Variants in MYO9B observed in about 807,000 individuals in gnomAD.
The protein encoded by MYO9B is unconventional myosin-IXb.
Under a neutral mutation model 229.5 loss-of-function variants are expected in MYO9B, and 71 were observed. That is an observed-to-expected ratio of 0.31 (90% CI 0.26 to 0.38). The LOEUF is 0.38. MYO9B is among the 10% of genes least tolerant of loss of function. The probability of loss-of-function intolerance (pLI) is 1.00; values close to 1 mark genes in which losing one functional copy is unlikely to be tolerated. For missense variants in MYO9B, 2,255 were observed against 2,920.5 expected (o/e 0.77, Z 5.25); for synonymous variants, 1,185 against 1,235.8 (o/e 0.96, Z 0.86).
At chr19:17,200,947 T>C in intron 26 of MYO9B, 118 bp downstream of exon 26, 1 of 1,211,976 alleles carries the variant, frequency 8.3e-7, no homozygotes, top group South Asian at 1.4e-5. Flanking sequence ...GAATACAAAG[T>C]CCAGGCTCAG....
rs2305765 is a variant in MYO9B at position 17,202,183 on chromosome 19, C to T, written c.4716C>T (p.Val1572=). Residue 1572 remains valine (V), a synonymous_variant, in exon 28 of 40, where the codon GTC becomes GTT. Transcript: ENST00000682292. ...ATCTGATGGAGAACTACCAGATCGT[C>T]GTCAGCAACCTGGCCACTGAGCGTG... is the stretch of plus-strand genomic sequence containing the variant. ...YKDLMENYQI[V]VSNLATERGQ... The T allele has an allele frequency of 0.44, 712,642 of 1,612,976 alleles. 164,763 individuals are homozygous for T. Among genetic ancestry groups the T allele is most frequent in the East Asian group, 0.75 (33,834 of 44,840 alleles).
chr19:17,111,773 C>T (rs1395223655), intron 2 of MYO9B, among the ~76,000 whole-genome samples: 1 of 152,164 alleles, frequency 6.6e-6, no homozygotes, highest in Non-Finnish European at 1.5e-5. Context: ...TCCCCATCAG[C>T]ATTCACTCCC....
chr19:17,078,740 G>A (rs569113979), intron 1 of MYO9B, among the ~76,000 whole-genome samples: 15 of 152,280 alleles, frequency 9.9e-5, no homozygotes, highest in African/African-American at 3.1e-4. Context: ...AAACCACTCC[G>A]GGTGGAAGGG....
chr19:17,109,805 C>T (rs900495346), intron 2 of MYO9B, among the ~76,000 whole-genome samples: 4 of 152,226 alleles, frequency 2.6e-5, no homozygotes, highest in Non-Finnish European at 5.9e-5. Context: ...GCCTTTCTCT[C>T]ATGGGATCAC....
intron 18 of MYO9B, among the ~76,000 whole-genome samples, chr19:17,186,669 C>A (rs1243000825): frequency 6.6e-6 from 1 of 152,104 alleles, no homozygotes; most frequent in Non-Finnish European, 1.5e-5. Context: ...GCATCCCTGG[C>A]CTCCACATCC....
At chr19:17,126,271 C>T (rs1255775236) in intron 2 of MYO9B, among the ~76,000 whole-genome samples, 1 of 152,194 alleles carries the variant, frequency 6.6e-6, no homozygotes, top group African/African-American at 2.4e-5. Flanking sequence ...ACCCTGTGGA[C>T]CCATTTTGTC....
At chr19:17,197,101 C>T (rs1188643793) in intron 22 of MYO9B, among the ~76,000 whole-genome samples, 2 of 151,920 alleles carry the variant, frequency 1.3e-5, no homozygotes, top group Non-Finnish European at 2.9e-5. Flanking sequence ...CGTGGCGAAA[C>T]CCCGTCTCTA....
At chr19:17,144,654 T>G (rs2072384534) in intron 2 of MYO9B, among the ~76,000 whole-genome samples, 1 of 151,236 alleles carries the variant, frequency 6.6e-6, no homozygotes, top group Non-Finnish European at 1.5e-5. Context: ...TGGGTAGCCC[T>G]ACTTTGCAGG....
intron 19 of MYO9B, among the ~76,000 whole-genome samples, chr19:17,190,143 C>T (rs1279749361): frequency 2.0e-5 from 3 of 151,476 alleles, no homozygotes; most frequent in Admixed American, 6.6e-5. Flanking sequence ...CTTTGGGTCA[C>T]GTGACCCATT....
At chr19:17,088,751 C>T (rs1027480693) in intron 1 of MYO9B, among the ~76,000 whole-genome samples, 19 of 152,144 alleles carry the variant, frequency 1.2e-4, no homozygotes, top group Admixed American at 2.6e-4. Context: ...AGTGCAGTGG[C>T]GCCATCACGG....
intron 24 of MYO9B, 57 bp downstream of exon 24, chr19:17,198,365 C>G: frequency 6.2e-7 from 1 of 1,602,738 alleles, no homozygotes; most frequent in Admixed American, 1.7e-5. Context: ...GGGTCCCTGC[C>G]AGGGCCTCGC....
At chr19:17,099,981 C>T (rs1422703475) in intron 1 of MYO9B, among the ~76,000 whole-genome samples, 4 of 150,140 alleles carry the variant, frequency 2.7e-5, no homozygotes, top group Non-Finnish European at 5.9e-5. Context: ...ATTAGCCGGG[C>T]GTGGTGGCGG....
chr19:17,150,642 G>A (rs745324526), intron 3 of MYO9B, among the ~76,000 whole-genome samples: 1 of 107,330 alleles, frequency 9.3e-6, no homozygotes, highest in Non-Finnish European at 2.5e-5. Flanking sequence ...CAGCTGGTGC[G>A]AAAGGATCCC....
intron 1 of MYO9B, among the ~76,000 whole-genome samples, chr19:17,086,915 C>A (rs948086322): frequency 1.3e-5 from 2 of 149,536 alleles, no homozygotes; most frequent in Admixed American, 1.3e-4. Context: ...TGTCAGATGT[C>A]TGTCCCAGCA....
chr19:17,134,372 G>A lies in MYO9B; in HGVS notation c.841-11025G>A, dbSNP rs564990538. ...ACAGGATCTCTTTGTTTTTTTTTTC[G>A]TTTTGTTTGTTTTTTTTTTTTTTTT... On this transcript the variant is annotated intron_variant, in intron 2 of 39. Transcript: ENST00000682292. Among the ~76,000 whole-genome samples the A allele has an allele frequency of 5.0e-3, 351 of 70,402 alleles. 5 individuals are homozygous for A. Among genetic ancestry groups the A allele is most frequent in the African/African-American group, 0.017 (322 of 18,600 alleles). The allele number at this position is 70,402 out of a possible 152,430, so 46.2% of individuals were successfully genotyped here.
At chr19:17,144,685 G>A (rs1352469887) in intron 2 of MYO9B, among the ~76,000 whole-genome samples, 1 of 151,854 alleles carries the variant, frequency 6.6e-6, no homozygotes, top group East Asian at 1.9e-4. Context: ...GAAAAAATAA[G>A]AGACCAGGGG....
chr19:17,129,059 G>T (rs770448556), intron 2 of MYO9B, among the ~76,000 whole-genome samples: 1 of 152,158 alleles, frequency 6.6e-6, no homozygotes, highest in Non-Finnish European at 1.5e-5. Context: ...CCTGAGCAGG[G>T]GGGTGGAGGC....
rs1407110590 is a variant in MYO9B, at chr19:17,212,243, C to T, written c.6407C>T (p.Ala2136Val). ...GAAGAGGATGGCCAGCCACCTGGGGCCAAGCGGAGGTACTCGGATCCCCCA... is the reference window on the plus strand; with the variant it reads ...GAAGAGGATGGCCAGCCACCTGGGGTCAAGCGGAGGTACTCGGATCCCCCA... ...PLEEDGQPPG[A>V]KRRYSDPPTY... Residue 2136 changes from alanine (A) to valine (V), a missense_variant, in exon 40 of 40, where the codon GCC becomes GTC. Ala to Val is a moderately conservative substitution (Grantham distance 64). Transcript: ENST00000682292. The surrounding 1 kb of genome is among the most constrained non-coding windows in gnomAD (Gnocchi z 5.4). The T allele has an allele frequency of 3.8e-6, 6 of 1,579,734 alleles. No individual in the cohort carries two copies. Among genetic ancestry groups the T allele is most frequent in the Admixed American group, 1.8e-5 (1 of 54,214 alleles).
chr19:17,139,966 G>A lies in MYO9B; in HGVS notation c.841-5431G>A, dbSNP rs565948145. ...TGAGGCAGGGGAATCACTTGAGCCC[G>A]GGAGGAGGAGGTTGTGGTGAGCTGA... is the stretch of plus-strand genomic sequence containing the variant. On this transcript the variant is annotated intron_variant, in intron 2 of 39. Transcript: ENST00000682292. 9.2e-5 allele frequency among the ~76,000 whole-genome samples: 14 copies of A among 151,926 alleles called. 1 individual carries two copies. In the Middle Eastern group the frequency reaches 0.01, roughly 112 times the overall value.
Sources: gnomAD v4.1 joint callset for allele counts (sites outside exome capture counted in the v4.1 genomes callset) on GRCh38, gnomAD v4.1.1 for gene constraint, Gnocchi (gnomAD v3.1) non-coding constraint, MANE v1.5 for transcripts, NCBI Gene and HGNC (gene_info 2026-07-23, HGNC 2026-07-21) for gene names.